The following RAPGEF5 variants were observed in gnomAD, a reference collection of about 807,000 sequenced individuals.
RAPGEF5 encodes the protein Rap guanine nucleotide exchange factor 5, also known as M-Ras-regulated GEF.
A neutral mutation model predicts 125.2 loss-of-function variants in RAPGEF5; 65 were observed. That is an observed-to-expected ratio of 0.52 (90% CI 0.43 to 0.64). The LOEUF is 0.64. Ranked by LOEUF, RAPGEF5 falls within the 30% of genes least tolerant of loss-of-function variation. The pLI, the probability that RAPGEF5 is intolerant of heterozygous loss-of-function variation, is 0.00. For missense variants in RAPGEF5, 958 were observed against 1,048.1 expected (o/e 0.91, Z 1.19); for synonymous variants, 391 against 385.9 (o/e 1.01, Z -0.16).
At chr7:22,212,671 A>G (rs1785538545) in intron 9 of RAPGEF5, among the ~76,000 whole-genome samples, 1 of 152,200 alleles carries the variant, frequency 6.6e-6, no homozygotes, top group African/African-American at 2.4e-5. Context: ...TTGTCTTAAA[A>G]CATTCATTAT....
intron 13 of RAPGEF5, 106 bp downstream of exon 13, chr7:22,162,291 C>A (rs1278736364): frequency 1.6e-6 from 2 of 1,213,722 alleles, no homozygotes; most frequent in African/African-American, 1.5e-5. Context: ...TTGACTATCA[C>A]AAGAAAGCTG....
intron 7 of RAPGEF5, among the ~76,000 whole-genome samples, chr7:22,237,911 TG>T (rs1435521443): frequency 6.6e-6 from 1 of 152,104 alleles, no homozygotes; most frequent in Admixed American, 6.5e-5. Flanking sequence ...TAGAGCAAAA[TG>T]TCAATGCAGT....
intron 1 of RAPGEF5, among the ~76,000 whole-genome samples, chr7:22,323,460 G>A (rs1202457661): frequency 6.6e-6 from 1 of 152,168 alleles, no homozygotes; most frequent in Non-Finnish European, 1.5e-5. Context: ...TTTAGTTCTT[G>A]GGAATATTTC....
At chr7:22,317,530 A>G (rs1180583334) in intron 2 of RAPGEF5, among the ~76,000 whole-genome samples, 1 of 152,102 alleles carries the variant, frequency 6.6e-6, no homozygotes, top group African/African-American at 2.4e-5. Context: ...GTGAGCCACC[A>G]TGCCCAGCCA....
chr7:22,295,792 A>G (rs1316396159), intron 5 of RAPGEF5, among the ~76,000 whole-genome samples: 1 of 152,076 alleles, frequency 6.6e-6, no homozygotes, highest in Non-Finnish European at 1.5e-5. Flanking sequence ...GTTTACCCAC[A>G]CGGTATTTCC....
chr7:22,242,568 C>T (rs1476621837), intron 7 of RAPGEF5, among the ~76,000 whole-genome samples: 2 of 152,142 alleles, frequency 1.3e-5, no homozygotes, highest in African/African-American at 4.8e-5. Context: ...TCCAACAATC[C>T]CTGCATGCCA....
Position 22,219,932 on chromosome 7 carries a change from C to G in RAPGEF5, c.930G>C (p.Gln310His). 1 of 1,613,616 alleles carries G rather than the reference C, an allele frequency of 6.2e-7. No homozygotes were observed. The highest frequency in any genetic ancestry group is 8.5e-7 in the Non-Finnish European group (1 of 1,179,642). ...ACTGATAGTTTTCTTTTGCCAGCTT[C>G]TGGACTAGTTCAATTCGTCCGATTT... ...RDEIGRIELVQKLAKENYQFL... is the reference protein window; with the variant it reads ...RDEIGRIELVHKLAKENYQFL... Residue 310 changes from glutamine to histidine, a missense_variant, in exon 9 of 26, where the codon CAG (glutamine) becomes CAC (histidine). Coordinates refer to ENST00000665637, the MANE Select transcript of RAPGEF5 (RefSeq NM_012294.5).
intron 18 of RAPGEF5, among the ~76,000 whole-genome samples, chr7:22,148,549 T>C (rs999206845): frequency 2.0e-5 from 3 of 152,224 alleles, no homozygotes; most frequent in Non-Finnish European, 1.5e-5. Flanking sequence ...ACTGACATCT[T>C]TTGGTGATGA....
chr7:22,151,555 C>T (rs1393419563), intron 17 of RAPGEF5, among the ~76,000 whole-genome samples: 3 of 150,654 alleles, frequency 2.0e-5, no homozygotes, highest in East Asian at 3.9e-4. Flanking sequence ...TCTGCCTCCT[C>T]CTGGGTTCAA....
chr7:22,308,456 G>T lies in RAPGEF5; in HGVS notation c.563C>A (p.Ser188Tyr). 6.4e-7 allele frequency: 1 copy of T among 1,573,616 alleles called. No homozygotes were observed. The highest frequency in any genetic ancestry group is 1.3e-5 in the African/African-American group (1 of 74,078). Residue 188 changes from serine to tyrosine, a missense_variant, in exon 5 of 26, where the codon TCT (serine) becomes TAT (tyrosine). Physicochemically the swap from Ser to Tyr is moderately radical, Grantham distance 144 (BLOSUM62 -2). Coordinates refer to ENST00000665637, the MANE Select transcript of RAPGEF5 (RefSeq NM_012294.5). Reference sequence around the variant, plus strand: ...ACAGTACAAGTAGCTACATTCATCAGAGGAAAACTGGTAGAAAACATAAGT... The same window carrying T: ...ACAGTACAAGTAGCTACATTCATCATAGGAAAACTGGTAGAAAACATAAGT... ...QDTYVFYQFS[S>Y]DECSYLYCEF...
At chr7:22,340,929 A>C (rs1254928757) in intron 1 of RAPGEF5, among the ~76,000 whole-genome samples, 1 of 152,186 alleles carries the variant, frequency 6.6e-6, no homozygotes, top group Non-Finnish European at 1.5e-5. Context: ...AGCAAAACCA[A>C]AGGGTTCATA....
At chr7:22,354,847 T>C (rs1264717257) in intron 1 of RAPGEF5, among the ~76,000 whole-genome samples, 1 of 152,202 alleles carries the variant, frequency 6.6e-6, no homozygotes, top group African/African-American at 2.4e-5. Flanking sequence ...CATCCTGAGC[T>C]GTGAGAAAAT....
chr7:22,123,128 A>G (rs1782633320), intron 25 of RAPGEF5, among the ~76,000 whole-genome samples: 1 of 152,230 alleles, frequency 6.6e-6, no homozygotes, highest in Non-Finnish European at 1.5e-5. Flanking sequence ...AAATAGCTTC[A>G]GAAAGTATGT....
chr7:22,125,464 CTA>C, intron 25 of RAPGEF5, 138 bp downstream of exon 25: 1 of 732,580 alleles, frequency 1.4e-6, no homozygotes, highest in Non-Finnish European at 2.3e-6. Context: ...AGACAATCTA[CTA>C]TATATATACA....
intron 7 of RAPGEF5, among the ~76,000 whole-genome samples, chr7:22,235,592 C>T (rs531008678): frequency 7.9e-4 from 121 of 152,264 alleles, no homozygotes; most frequent in Middle Eastern, 3.4e-3. Context: ...TGTACTAGGT[C>T]GGAATCTTTT....
At chr7:22,193,584 C>T (rs1785066580) in intron 10 of RAPGEF5, 129 bp from the exon 11 acceptor site, 1 of 1,551,396 alleles carries the variant, frequency 6.4e-7, no homozygotes, top group Non-Finnish European at 8.7e-7. Context: ...GCAAGGGCAG[C>T]TCTCGGTCTG....
At chr7:22,314,150 T>C (rs112536721) in intron 3 of RAPGEF5, among the ~76,000 whole-genome samples, 8 of 152,322 alleles carry the variant, frequency 5.3e-5, no homozygotes, top group African/African-American at 1.4e-4. Flanking sequence ...CACCACACTA[T>C]GGATTTGCTC....
intron 24 of RAPGEF5, among the ~76,000 whole-genome samples, chr7:22,126,722 T>C (rs2128098093): frequency 6.6e-6 from 1 of 152,036 alleles, no homozygotes; most frequent in African/African-American, 2.4e-5. Context: ...CAAGCAATTC[T>C]CCTGCCTCAG....
chr7:22,181,129 C>T (rs1784660188), intron 11 of RAPGEF5, among the ~76,000 whole-genome samples: 1 of 152,120 alleles, frequency 6.6e-6, no homozygotes, highest in South Asian at 2.1e-4. Flanking sequence ...AAAGATCACT[C>T]TGCTCTCTCT....
Sources: gnomAD v4.1 joint callset for allele counts (sites outside exome capture counted in the v4.1 genomes callset) on GRCh38, gnomAD v4.1.1 for gene constraint, MANE v1.5 for transcripts, NCBI Gene and HGNC (gene_info 2026-07-23, HGNC 2026-07-21) for gene names.